C6: variants seen among roughly 807,000 people sequenced by gnomAD.
C6 encodes complement C6.
C6 carries 101 observed loss-of-function variants against 112.9 expected under a neutral mutation model. That is an observed-to-expected ratio of 0.89 (90% CI 0.76 to 1.06). The LOEUF (loss-of-function observed/expected upper bound fraction) is 1.06. C6 is among the 50% of genes least tolerant of loss of function. The pLI, the probability that C6 is intolerant of heterozygous loss-of-function variation, is 0.00. For synonymous variants in C6, 431 were observed against 384.1 expected (o/e 1.12, Z -1.43); for missense variants, 1,202 against 1,104.6 (o/e 1.09, Z -1.25).
At chr5:41,246,492 G>A (rs966352460) in intron 1 of C6, among the ~76,000 whole-genome samples, 1 of 152,152 alleles carries the variant, frequency 6.6e-6, no homozygotes, top group Non-Finnish European at 1.5e-5. Context: ...AGTGTCCAAA[G>A]TAATCTTCAG....
At chr5:41,178,466 CTTTTTTTTT>C (rs70988836) in intron 7 of C6, among the ~76,000 whole-genome samples, 1 of 101,594 alleles carries the variant, frequency 9.8e-6, no homozygotes, top group Non-Finnish European at 1.9e-5. Flanking sequence ...TTTTCTTTTT[CTTTTTTTTT>C]TTTTTTTTTT....
At chr5:41,159,740 C>A (rs1747289788) in intron 11 of C6, among the ~76,000 whole-genome samples, 1 of 152,108 alleles carries the variant, frequency 6.6e-6, no homozygotes, top group Admixed American at 6.6e-5. Flanking sequence ...TTTTTTATTA[C>A]AAAGCCATCC....
At chr5:41,234,350 G>GTTTTTT (rs1316483722) in intron 1 of C6, among the ~76,000 whole-genome samples, 2 of 127,804 alleles carry the variant, frequency 1.6e-5, no homozygotes, top group African/African-American at 6.9e-5. Context: ...TTTTTTTTTT[G>GTTTTTT]TTTTTTGTTT....
intron 5 of C6, among the ~76,000 whole-genome samples, chr5:41,187,854 A>T (rs907223574): frequency 1.3e-5 from 2 of 152,132 alleles, no homozygotes; most frequent in African/African-American, 4.8e-5. Context: ...AATACATACT[A>T]TCTCTCCCAT....
chr5:41,177,622 T>C (rs1748965028), intron 7 of C6, among the ~76,000 whole-genome samples: 1 of 152,194 alleles, frequency 6.6e-6, no homozygotes. Context: ...ACCGTATTCC[T>C]CTTTGCTATA....
At position 41,203,148 on chromosome 5, in the gene C6, G is replaced by A. The variant is rs761131344; in HGVS notation, c.83C>T (p.Ala28Val). The A allele has an allele frequency of 1.9e-6, 3 of 1,613,968 alleles. No individual in the cohort carries two copies. Among genetic ancestry groups the A allele is most frequent in the African/African-American group, 1.3e-5 (1 of 74,928 alleles). The change falls in exon 2 of 18, where the codon GCA (alanine) becomes GTA (valine). Residue 28 changes from alanine (A) to valine (V), a missense_variant. Coordinates refer to ENST00000337836, the MANE Select transcript of C6 (RefSeq NM_000065.5). ...TGAGCAGCTGGTCCACTGAGTCCAT[G>A]CATAGTGATCACAGAAGCAGGCTTG... ...KGQACFCDHY[A>V]WTQWTSCSKT...
chr5:41,182,019 C>T lies in C6; in HGVS notation c.727-460G>A, dbSNP rs557217017. On this transcript the variant is annotated intron_variant, in intron 6 of 17. Transcript: ENST00000337836. ...CCTTGTTTTATACTTTTTCAAGAGA[C>T]GAGTCTGACTTCGGGATCACAGTTT... 3.3e-5 allele frequency among the ~76,000 whole-genome samples: 5 copies of T among 152,258 alleles called. No individual in the cohort carries two copies. In the East Asian group the frequency reaches 5.8e-4, roughly 18 times the overall value.
rs77363096 is a variant in C6 at position 41,160,271 on chromosome 5, C to T, written c.1555G>A (p.Asp519Asn). The T allele has an allele frequency of 1.2e-3, 1,960 of 1,613,846 alleles. 26 individuals are homozygous for T. In the African/African-American group the frequency reaches 0.022, roughly 18 times the overall value. The change falls in exon 11 of 18, where the codon GAT (aspartate) becomes AAT (asparagine). Residue 519 changes from aspartate (D) to asparagine (N), a missense_variant. By Grantham distance (23) the Asp-to-Asn change is conservative. Coordinates refer to ENST00000337836, the MANE Select transcript of C6 (RefSeq NM_000065.5). ...KALQEYAAKF[D>N]PCQCAPCPNN... ...GGGCATGGAGCACACTGGCAAGGAT[C>T]GAACTTGGCTGCATACTCTTGCAAA...
At position 41,147,778 on chromosome 5, in the gene C6, C is replaced by T. The variant is rs539445091; in HGVS notation, c.2623+1463G>A. Among the ~76,000 whole-genome samples the T allele has an allele frequency of 2.0e-5, 3 of 152,280 alleles. No homozygotes were observed. The East Asian group carries it at 5.8e-4, about 29-fold the overall frequency. Reference sequence around the variant, plus strand: ...TCCGTCTTTTGAAAAAGAAATAAAGCTTAGTTGGGCTATTTCAGGGTCAAA... The same window carrying T: ...TCCGTCTTTTGAAAAAGAAATAAAGTTTAGTTGGGCTATTTCAGGGTCAAA... On this transcript the variant is annotated intron_variant, in intron 17 of 17. Coordinates refer to ENST00000337836, the MANE Select transcript of C6 (RefSeq NM_000065.5).
intron 1 of C6, among the ~76,000 whole-genome samples, chr5:41,222,052 G>A (rs958353901): frequency 6.6e-6 from 1 of 151,642 alleles, no homozygotes; most frequent in African/African-American, 2.4e-5. Flanking sequence ...TGTAATCTCA[G>A]TTACTTGGGA....
chr5:41,244,747 T>C (rs576712391), intron 1 of C6, among the ~76,000 whole-genome samples: 2 of 152,254 alleles, frequency 1.3e-5, no homozygotes, highest in Non-Finnish European at 2.9e-5. Flanking sequence ...GATTCTCTTC[T>C]ACATAATAAA....
chr5:41,222,297 TTA>T (rs1424481939), intron 1 of C6, among the ~76,000 whole-genome samples: 1 of 152,080 alleles, frequency 6.6e-6, no homozygotes. Context: ...AGTAAATAAA[TTA>T]TATTGAAATT....
chr5:41,214,408 T>TCAAA (rs1752117119), upstream of C6, among the ~76,000 whole-genome samples: 1 of 152,102 alleles, frequency 6.6e-6, no homozygotes, highest in Non-Finnish European at 1.5e-5. Context: ...AACCCACCAC[T>TCAAA]CAAAGGTCAC....
intron 1 of C6, among the ~76,000 whole-genome samples, chr5:41,250,533 CT>C (rs1489080121): frequency 6.6e-6 from 1 of 152,206 alleles, no homozygotes; most frequent in East Asian, 1.9e-4. Flanking sequence ...GGAATGTGAA[CT>C]GACCTGAAGT....
Position 41,203,164 on chromosome 5 carries a change from A to G in C6, c.67T>C (p.Phe23Leu). Residue 23 changes from phenylalanine to leucine, a missense_variant, in exon 2 of 18, where the codon TTC becomes CTC. Transcript: ENST00000337836. ...TGAGTCCATGCATAGTGATCACAGA[A>G]GCAGGCTTGGCCCTTGTTGATCAGA... is the stretch of plus-strand genomic sequence containing the variant. Reference protein sequence around the residue: ...NALINKGQACFCDHYAWTQWT... With the variant: ...NALINKGQACLCDHYAWTQWT... The G allele has an allele frequency of 6.2e-7, 1 of 1,614,152 alleles. No homozygotes were observed. Among genetic ancestry groups the G allele is most frequent in the Non-Finnish European group, 8.5e-7 (1 of 1,179,988 alleles).
rs543842064 is a variant in C6, at chr5:41,201,728, G to A, written c.144-14C>T. The stretch of plus-strand genomic sequence containing the variant: ...ACTACTATTTGTCTGTAACCATGAA[G>A]AAGAAGTTGCTTAGAATGAGTGTAT... On this transcript the variant is annotated splice_polypyrimidine_tract_variant and intron_variant, in intron 2 of 17. Coordinates refer to ENST00000337836, the MANE Select transcript of C6 (RefSeq NM_000065.5). The A allele has an allele frequency of 6.2e-6, 10 of 1,611,816 alleles. No homozygotes were observed. In the South Asian group the frequency reaches 9.9e-5, roughly 16 times the overall value.
rs115715222 is a variant in C6 at position 41,173,071 on chromosome 5, T to G, written c.1169-724A>C. On this transcript the variant is annotated intron_variant, in intron 8 of 17. Coordinates refer to ENST00000337836, the MANE Select transcript of C6 (RefSeq NM_000065.5). ...ATTCAAGCCTGTACTTGATACTGTT[T>G]CCACTGTCATCTCCAGCAGAAGTTC... 2.8e-3 allele frequency among the ~76,000 whole-genome samples: 423 copies of G among 152,282 alleles called. 3 individuals are homozygous for G. The highest frequency in any genetic ancestry group is 9.8e-3 in the African/African-American group (408 of 41,560).
chr5:41,255,355 C>T (rs747815480), intron 1 of C6, among the ~76,000 whole-genome samples: 79 of 44,230 alleles, frequency 1.8e-3, no homozygotes, highest in African/African-American at 7.0e-3. Flanking sequence ...AGTGAGATTC[C>T]GTTAAAAAAA....
intron 1 of C6, among the ~76,000 whole-genome samples, chr5:41,256,037 T>C (rs866389120): frequency 2.4e-4 from 37 of 152,292 alleles, no homozygotes; most frequent in Middle Eastern, 3.4e-3. Context: ...TAATTTGGGG[T>C]TAAGAGTCTT....
Sources: allele counts gnomAD v4.1 joint callset (sites outside exome capture counted in the v4.1 genomes callset), GRCh38; gene constraint gnomAD v4.1.1; transcripts MANE v1.5; gene names NCBI Gene and HGNC (gene_info 2026-07-23, HGNC 2026-07-21).